The following UGT1A3 variants were observed in gnomAD, a reference collection of about 807,000 sequenced individuals.
The protein encoded by UGT1A3 is UDP glucuronosyltransferase family 1 member A3.
A neutral mutation model predicts 41.0 loss-of-function variants in UGT1A3; 31 were observed. That is an observed-to-expected ratio of 0.76 (90% confidence interval 0.57 to 1.02). The LOEUF (loss-of-function observed/expected upper bound fraction) is 1.02, where lower values mean the gene tolerates loss of function less well. Among genes scored for constraint, UGT1A3 ranks in the 50% least tolerant of loss-of-function variants. The pLI is 0.00. For synonymous variants in UGT1A3, 262 were observed against 257.6 expected, an observed-to-expected ratio of 1.02 and a Z score of -0.17; for missense variants, 737 against 671.0, an observed-to-expected ratio of 1.10 and a Z score of -1.09.
chr2:233,764,498 G>T (rs1372261378), intron 1 of UGT1A3, among the ~76,000 whole-genome samples: 1 of 152,176 alleles, frequency 6.6e-6, no homozygotes, highest in East Asian at 1.9e-4. Context: ...TGGACCTGTG[G>T]GTTCAATTTT....
At chr2:233,733,201 A>T (rs1269937689) in intron 1 of UGT1A3, among the ~76,000 whole-genome samples, 1 of 152,122 alleles carries the variant, frequency 6.6e-6, no homozygotes, top group Non-Finnish European at 1.5e-5. Flanking sequence ...GCTTAAGGAG[A>T]CTTTGGGCTG....
intron 1 of UGT1A3, among the ~76,000 whole-genome samples, chr2:233,762,527 A>C (rs1575790124): frequency 4.6e-5 from 7 of 152,228 alleles, no homozygotes; most frequent in Admixed American, 3.9e-4. Context: ...ATTTCATGGT[A>C]CTTGTGTACC....
Position 233,773,040 on chromosome 2 carries a change from C to T in UGT1A3, c.*481C>T, listed in dbSNP as rs1347868003. On this transcript the variant is annotated 3_prime_UTR_variant, in exon 5 of 5. Coordinates refer to ENST00000482026, the MANE Select transcript of UGT1A3 (RefSeq NM_019093.4). ...ACCTTGTGTGTTTAAAGAAGGGAAGCTTTGTACCTTTAGAGTGTAGGTGAA... is the reference window on the plus strand; with the variant it reads ...ACCTTGTGTGTTTAAAGAAGGGAAGTTTTGTACCTTTAGAGTGTAGGTGAA... The T allele has an allele frequency of 5.1e-6, 1 of 194,624 alleles. No individual in the cohort carries two copies. Among genetic ancestry groups the T allele is most frequent in the Non-Finnish European group, 1.1e-5 (1 of 93,038 alleles). 12.1% of individuals were successfully genotyped at this position (194,624 alleles called of 1,614,324 possible).
intron 1 of UGT1A3, chr2:233,747,870 C>T (rs1693798797): frequency 1.2e-6 from 2 of 1,613,434 alleles, no homozygotes; most frequent in Non-Finnish European, 1.7e-6. Context: ...CCCTCTGGCC[C>T]TGTCCTACCT....
At chr2:233,742,488 T>A (rs1480874171) in intron 1 of UGT1A3, among the ~76,000 whole-genome samples, 1 of 151,938 alleles carries the variant, frequency 6.6e-6, no homozygotes, top group African/African-American at 2.4e-5. Context: ...ACCTTCAGCA[T>A]AGGCATCATG....
intron 1 of UGT1A3, among the ~76,000 whole-genome samples, chr2:233,756,911 G>A (rs1386201221): frequency 6.6e-6 from 1 of 152,014 alleles, no homozygotes; most frequent in African/African-American, 2.4e-5. Flanking sequence ...ACAAACTTCT[G>A]AGTTTATATA....
intron 1 of UGT1A3, among the ~76,000 whole-genome samples, chr2:233,766,201 G>T (rs544565545): frequency 2.4e-4 from 37 of 152,254 alleles, no homozygotes; most frequent in Admixed American, 4.6e-4. Flanking sequence ...CTCAGCAGAT[G>T]GGGGAAGCCA....
intron 1 of UGT1A3, 98 bp from the exon 2 acceptor site, chr2:233,766,936 A>C: frequency 6.3e-7 from 1 of 1,586,086 alleles, no homozygotes; most frequent in Admixed American, 1.8e-5. Flanking sequence ...GCCTTTAATC[A>C]TAGTCTTAAG....
At chr2:233,730,044 A>T (rs2361501) in intron 1 of UGT1A3, 51 bp downstream of exon 1, 750,246 of 1,611,504 alleles carry the variant, frequency 0.47, 182,645 homozygotes, top group African/African-American at 0.81. Flanking sequence ...AACACTTTTT[A>T]AAAAAATGTA....
intron 1 of UGT1A3, chr2:233,760,638 A>C (rs752920136): frequency 6.2e-7 from 1 of 1,614,204 alleles, no homozygotes; most frequent in South Asian, 1.1e-5. Flanking sequence ...AGAAAATAAA[A>C]AAGGACTCTG....
intron 1 of UGT1A3, among the ~76,000 whole-genome samples, chr2:233,732,245 G>A (rs1417876377): frequency 2.0e-5 from 3 of 152,190 alleles, no homozygotes; most frequent in Non-Finnish European, 4.4e-5. Context: ...TAGGTTGCCT[G>A]TTCACTCTGA....
In UGT1A3 at chr2:233,729,120, T is replaced by G. The variant is rs771266076; in HGVS notation, c.-7T>G. 7.3e-5 allele frequency: 117 copies of G among 1,612,970 alleles called. No homozygotes were observed. Among genetic ancestry groups the G allele is most frequent in the Non-Finnish European group, 9.5e-5 (112 of 1,179,938 alleles). The stretch of plus-strand genomic sequence containing the variant: ...TGGACAGTCAGCTGTCCGTGTCTTC[T>G]GCTGAGATGGCCACAGGACTCCAGG... On this transcript the variant is annotated 5_prime_UTR_variant, in exon 1 of 5. Transcript: ENST00000482026.
In UGT1A3 at chr2:233,729,401, A is replaced by G. The variant is rs1464724125; in HGVS notation, c.275A>G (p.His92Arg). ...ISWTQDEFDR[H>R]VLGHTQLYFE... ...TGGACCCAGGATGAATTTGATCGCCATGTGCTGGGCCACACTCAACTGTAC... is the reference window on the plus strand; with the variant it reads ...TGGACCCAGGATGAATTTGATCGCCGTGTGCTGGGCCACACTCAACTGTAC... The change falls in exon 1 of 5, where the codon CAT becomes CGT. Residue 92 changes from histidine to arginine, a missense_variant. Coordinates refer to ENST00000482026, the MANE Select transcript of UGT1A3 (RefSeq NM_019093.4). 1.2e-6 allele frequency: 2 copies of G among 1,613,850 alleles called. No homozygotes were observed. The highest frequency in any genetic ancestry group is 3.3e-5 in the Admixed American group (2 of 60,024).
chr2:233,772,882 T>C lies in UGT1A3; in HGVS notation c.*323T>C. 1.8e-6 allele frequency: 1 copy of C among 558,640 alleles called. No homozygotes were observed. Among genetic ancestry groups the C allele is most frequent in the Non-Finnish European group, 2.8e-6 (1 of 359,816 alleles). The allele number at this position is 558,640 out of a possible 1,614,324, so 34.6% of individuals were successfully genotyped here. ...CATGGCCTGTTTGGGAGTGCGGGAT[T>C]CAAAGGTGGTCCCACGGCTGCCCCT... On this transcript the variant is annotated 3_prime_UTR_variant, in exon 5 of 5. Transcript: ENST00000482026.
In UGT1A3 at chr2:233,729,487, T is replaced by C. The variant is rs1189520708; in HGVS notation, c.361T>C (p.Ser121Pro). 17 of 1,614,220 alleles carry C rather than the reference T, an allele frequency of 1.1e-5. No individual in the cohort carries two copies. The highest frequency in any genetic ancestry group is 1.4e-5 in the Non-Finnish European group (17 of 1,180,036). ...FRSMAMLNNMSLVYHRSCVEL... is the reference protein window; with the variant it reads ...FRSMAMLNNMPLVYHRSCVEL... The stretch of plus-strand genomic sequence containing the variant: ...AAGTATGGCAATGTTGAACAATATG[T>C]CTTTGGTCTATCATAGGTCTTGTGT... The change falls in exon 1 of 5, where the codon TCT (serine) becomes CCT (proline). Residue 121 changes from serine to proline, a missense_variant. Ser to Pro is a moderately conservative substitution (Grantham distance 74). Coordinates refer to ENST00000482026, the MANE Select transcript of UGT1A3 (RefSeq NM_019093.4).
At chr2:233,753,255 C>T (rs1695165382) in intron 1 of UGT1A3, 1 of 152,170 alleles carries the variant, frequency 6.6e-6, no homozygotes, top group Non-Finnish European at 1.5e-5. Context: ...AAGCAACTAC[C>T]CAGGCACCTT....
rs139110841 is a variant in UGT1A3, at chr2:233,729,282, T to C, written c.156T>C (p.His52=). 648 of 1,614,246 alleles carry C rather than the reference T, an allele frequency of 4.0e-4. 1 individual carries two copies. In the Middle Eastern group the frequency reaches 4.5e-3, roughly 11 times the overall value. ...LSMREVLREL[H]ARGHQAVVLT... is the part of the protein sequence containing the mutation. ...TGCGGGAGGTCTTGCGGGAGCTCCA[T>C]GCCAGAGGCCACCAGGCAGTGGTCC... Residue 52 remains histidine (H), a synonymous_variant, in exon 1 of 5, where the codon CAT becomes CAC. Transcript: ENST00000482026.
chr2:233,768,039 G>A, intron 3 of UGT1A3, 103 bp downstream of exon 3: 1 of 1,610,920 alleles, frequency 6.2e-7, no homozygotes, highest in Non-Finnish European at 8.5e-7. Context: ...AAATATTATG[G>A]CCAACATATC....
Position 233,756,099 on chromosome 2 carries a change from C to T in UGT1A3, c.868-10935C>T, listed in dbSNP as rs117664856. ...ATGAGAAAATCAAGTAACATTATTACGGAAATAGTTTTGACTTTGTAAAAT... is the reference window on the plus strand; with the variant it reads ...ATGAGAAAATCAAGTAACATTATTATGGAAATAGTTTTGACTTTGTAAAAT... On this transcript the variant is annotated intron_variant, in intron 1 of 4. Coordinates refer to ENST00000482026, the MANE Select transcript of UGT1A3 (RefSeq NM_019093.4). 23 of 152,310 alleles carry T rather than the reference C, an allele frequency of 1.5e-4. 1 individual carries two copies. In the East Asian group the frequency reaches 4.0e-3, roughly 27 times the overall value. 9.4% of individuals were successfully genotyped at this position (152,310 alleles called of 1,614,324 possible). A position where few individuals can be genotyped will look rare whatever the true frequency, so the allele number is the denominator to read the frequency against.
Sources: gnomAD v4.1 joint callset for allele counts (sites outside exome capture counted in the v4.1 genomes callset) on GRCh38, gnomAD v4.1.1 for gene constraint, MANE v1.5 for transcripts, NCBI Gene and HGNC (gene_info 2026-07-23, HGNC 2026-07-21) for gene names.